The following SOX6 variants were observed in gnomAD, a reference collection of about 807,000 sequenced individuals.
The protein encoded by SOX6 is transcription factor SOX-6.
A neutral mutation model predicts 97.8 loss-of-function variants in SOX6; 11 were observed. The observed-to-expected ratio is 0.11, with a 90% CI of 0.07 to 0.19. The LOEUF (loss-of-function observed/expected upper bound fraction) is 0.19. Among genes scored for constraint, SOX6 ranks in the 10% least tolerant of loss-of-function variants. SOX6 has a pLI of 1.00. For missense variants in SOX6, 810 were observed against 1,039.5 expected (o/e 0.78, Z 3.04); for synonymous variants, 360 against 371.4 (o/e 0.97, Z 0.35).
At chr11:16,733,351 G>A (rs746473483) in intron 2 of SOX6, among the ~76,000 whole-genome samples, 2 of 152,120 alleles carry the variant, frequency 1.3e-5, no homozygotes, top group Non-Finnish European at 2.9e-5. Context: ...TGATAGACTG[G>A]ATAAAGAAAA....
chr11:16,148,300 C>A (rs2134051999), intron 6 of SOX6, among the ~76,000 whole-genome samples: 2 of 152,052 alleles, frequency 1.3e-5, no homozygotes, highest in South Asian at 4.1e-4. Flanking sequence ...CTGTATTTTC[C>A]AGTTAGATTA....
chr11:16,693,861 C>T (rs557686823), intron 3 of SOX6, among the ~76,000 whole-genome samples: 1 of 152,220 alleles, frequency 6.6e-6, no homozygotes, highest in East Asian at 1.9e-4. Context: ...CTCATAGATA[C>T]CTGTCATTTT....
chr11:16,661,059 A>C (rs1847762467), intron 3 of SOX6, among the ~76,000 whole-genome samples: 1 of 152,190 alleles, frequency 6.6e-6, no homozygotes, highest in Non-Finnish European at 1.5e-5. Flanking sequence ...AAAGATTCCA[A>C]CAATAATAGT....
intron 6 of SOX6, among the ~76,000 whole-genome samples, chr11:16,165,906 A>G (rs974740012): frequency 2.0e-5 from 3 of 152,128 alleles, no homozygotes; most frequent in African/African-American, 4.8e-5. Flanking sequence ...TCAAAAAAAA[A>G]AAAAAATCCT....
intron 1 of SOX6, among the ~76,000 whole-genome samples, chr11:16,385,578 A>T (rs114555955): frequency 0.013 from 1,918 of 152,196 alleles, 38 homozygotes; most frequent in African/African-American, 0.043. Context: ...AAAAAATTTT[A>T]AAAAATCTTT....
At chr11:16,316,362 C>G (rs979216148) in intron 3 of SOX6, 17 of 151,152 alleles carry the variant, frequency 1.1e-4, no homozygotes, top group Middle Eastern at 7.0e-3. Context: ...CATTTAATAT[C>G]TGCATTTAAT....
intron 1 of SOX6, among the ~76,000 whole-genome samples, chr11:16,347,780 T>C (rs1043358413): frequency 3.3e-5 from 5 of 152,116 alleles, no homozygotes; most frequent in Admixed American, 6.6e-5. Flanking sequence ...TTAACTCGAA[T>C]TTCCCTCTTC....
chr11:16,027,416 C>A (rs1482532287), intron 12 of SOX6, among the ~76,000 whole-genome samples: 1 of 152,040 alleles, frequency 6.6e-6, no homozygotes, highest in African/African-American at 2.4e-5. Context: ...AATCAGGCAG[C>A]TATATTTTAA....
intron 3 of SOX6, among the ~76,000 whole-genome samples, chr11:16,308,970 T>C (rs1002276869): frequency 1.3e-5 from 2 of 152,200 alleles, no homozygotes; most frequent in African/African-American, 2.4e-5. Context: ...AAGAAAAGCC[T>C]GTACTAGACA....
chr11:16,721,544 CT>C (rs57144649), intron 2 of SOX6, among the ~76,000 whole-genome samples: 3 of 49,318 alleles, frequency 6.1e-5, no homozygotes, highest in Non-Finnish European at 7.6e-5. Context: ...CTCTCTCTCT[CT>C]CTCTCTTCCC....
intron 3 of SOX6, among the ~76,000 whole-genome samples, chr11:16,616,714 AT>A (rs1365950080): frequency 6.6e-6 from 1 of 151,938 alleles, no homozygotes; most frequent in African/African-American, 2.4e-5. Context: ...CCTGTTCAAT[AT>A]TTGATAATTC....
chr11:16,705,839 A>G (rs1848128287), intron 3 of SOX6, among the ~76,000 whole-genome samples: 1 of 152,212 alleles, frequency 6.6e-6, no homozygotes, highest in Non-Finnish European at 1.5e-5. Context: ...ACCAAAATAT[A>G]TTTTAGTAAA....
chr11:16,333,965 A>C (rs1455585500), intron 2 of SOX6, among the ~76,000 whole-genome samples: 1 of 152,124 alleles, frequency 6.6e-6, no homozygotes, highest in Non-Finnish European at 1.5e-5. Flanking sequence ...CATAAAACTG[A>C]GGCAAATTAG....
intron 3 of SOX6, among the ~76,000 whole-genome samples, chr11:16,697,806 G>C (rs1299523679): frequency 6.6e-6 from 1 of 152,180 alleles, no homozygotes; most frequent in African/African-American, 2.4e-5. Context: ...ATCTCCATCA[G>C]AGCTCTTGGG....
intron 4 of SOX6, among the ~76,000 whole-genome samples, chr11:16,205,561 GA>G (rs1169153078): frequency 1.3e-5 from 2 of 152,058 alleles, no homozygotes; most frequent in South Asian, 2.1e-4. Context: ...TGGGAGTGTA[GA>G]AAAATAGAAA....
At chr11:16,240,286 G>GTGTGTGTGTGTGTGTGTGTGTGTT (rs1853147558) in intron 3 of SOX6, among the ~76,000 whole-genome samples, 1 of 149,636 alleles carries the variant, frequency 6.7e-6, no homozygotes, top group African/African-American at 2.5e-5. Context: ...GTGTGTGTGT[G>GTGTGTGTGTGTGTGTGTGTGTGTT]TGTGTGTGTG....
chr11:16,442,961 A>G (rs1400174848), intron 1 of SOX6, among the ~76,000 whole-genome samples: 3 of 151,940 alleles, frequency 2.0e-5, no homozygotes, highest in Admixed American at 2.0e-4. Flanking sequence ...AATCACAAGA[A>G]TTTTTTTTCA....
chr11:16,015,912 T>G (rs1473037055), intron 12 of SOX6, among the ~76,000 whole-genome samples: 1 of 152,122 alleles, frequency 6.6e-6, no homozygotes, highest in Non-Finnish European at 1.5e-5. Flanking sequence ...TGTTCATTAC[T>G]ATGAAACAAT....
chr11:16,735,005 G>A (rs897296122), intron 2 of SOX6, among the ~76,000 whole-genome samples: 1 of 152,054 alleles, frequency 6.6e-6, no homozygotes, highest in Non-Finnish European at 1.5e-5. Context: ...TTTAATTATA[G>A]GCTTAATTCT....
Sources: gnomAD v4.1 joint callset for allele counts (sites outside exome capture counted in the v4.1 genomes callset) on GRCh38, gnomAD v4.1.1 for gene constraint, MANE v1.5 for transcripts, NCBI Gene and HGNC (gene_info 2026-07-23, HGNC 2026-07-21) for gene names.